EMG1: variants seen among roughly 807,000 people sequenced by gnomAD.
EMG1 encodes the protein EMG1 N1-specific pseudouridine methyltransferase, also known as ribosomal RNA small subunit methyltransferase NEP1.
In EMG1, 24 loss-of-function variants were observed where a neutral mutation model predicts 26.9. That is an observed-to-expected ratio of 0.89 (90% confidence interval 0.65 to 1.26). EMG1 has a LOEUF of 1.26. EMG1 is among the 50% of genes most tolerant of loss of function. The pLI, the probability that EMG1 is intolerant of heterozygous loss-of-function variation, is 0.00. For synonymous variants in EMG1, 140 were observed against 112.6 expected (o/e 1.24, Z -1.54); for missense variants, 299 against 307.6 (o/e 0.97, Z 0.21).
Position 6,977,840 on chromosome 12 carries a change from GTGC to G in EMG1, c.*2034_*2036del. The G allele has an allele frequency of 6.9e-7, 1 of 1,457,732 alleles. No homozygotes were observed. Among genetic ancestry groups the G allele is most frequent in the African/African-American group, 1.4e-5 (1 of 71,872 alleles). The allele number at this position is 1,457,732 out of a possible 1,614,324, so 90.3% of individuals were successfully genotyped here. ...TCCTCACCCTGAGGATTGGATTGGAGTGCTGGTGGGTTCCCACGTGTAGCCCCC... is the reference window on the plus strand; with the variant it reads ...TCCTCACCCTGAGGATTGGATTGGAGTGGTGGGTTCCCACGTGTAGCCCCC... On this transcript the variant is annotated 3_prime_UTR_variant, in exon 6 of 6. Coordinates refer to ENST00000599672, the MANE Select transcript of EMG1 (RefSeq NM_006331.8). This position sits in a 1 kb window ranked among gnomAD's most constrained non-coding sequence, Gnocchi z 4.5.
At position 6,971,036 on chromosome 12, in the gene EMG1, T is replaced by G. The variant is rs781824161; in HGVS notation, c.113T>G (p.Ile38Ser). Residue 38 changes from isoleucine (I) to serine (S), a missense_variant, in exon 1 of 6, where the codon ATC (isoleucine) becomes AGC (serine). Transcript: ENST00000599672. The part of the protein sequence containing the change: ...KRPRLGAGNK[I>S]GGRRLIVVLE... ...CCCCGACTAGGGGCAGGAAACAAGA[T>G]CGGAGGCCGTAGGCTTATTGTGGTG... 3.1e-6 allele frequency: 5 copies of G among 1,611,614 alleles called. No homozygotes were observed. Among genetic ancestry groups the G allele is most frequent in the Admixed American group, 3.4e-5 (2 of 59,662 alleles).
At chr12:6,986,706 C>CT (rs1946529294) in intron 6 of EMG1, among the ~76,000 whole-genome samples, 1 of 147,570 alleles carries the variant, frequency 6.8e-6, no homozygotes, top group East Asian at 2.0e-4. Flanking sequence ...TCGCTTGAAC[C>CT]TGGGAGGCAG....
In EMG1 at chr12:6,978,391, G is replaced by A. The variant is rs11830191; in HGVS notation, c.*2582G>A. On this transcript the variant is annotated 3_prime_UTR_variant, in exon 6 of 6. Transcript: ENST00000599672. ...TGTTGAATGAGGCAATGGTGCCAGT[G>A]AAGCGGGGGTTTGTTTCAAAGAGCC... The A allele has an allele frequency of 1.2e-6, 2 of 1,613,864 alleles. No homozygotes were observed. The highest frequency in any genetic ancestry group is 1.7e-6 in the Non-Finnish European group (2 of 1,179,948).
At chr12:6,980,993 G>C (rs1946465354), downstream of EMG1, 1 of 1,573,976 alleles carries the variant, frequency 6.4e-7, no homozygotes, top group Non-Finnish European at 8.6e-7. Context: ...TGGACCAAGA[G>C]GGGCAATTAC....
Position 6,978,222 on chromosome 12 carries a change from A to G in EMG1, c.*2413A>G. On this transcript the variant is annotated 3_prime_UTR_variant, in exon 6 of 6. Coordinates refer to ENST00000599672, the MANE Select transcript of EMG1 (RefSeq NM_006331.8). ...GGGGGTCAAAGTCAGTGTGAGCGAC[A>G]GGGGGTTCTGCCCAGATGGGAAAGA... 1.7e-6 allele frequency: 2 copies of G among 1,202,854 alleles called. No homozygotes were observed. Among genetic ancestry groups the G allele is most frequent in the Non-Finnish European group, 2.3e-6 (2 of 855,440 alleles). 74.5% of individuals were successfully genotyped at this position (1,202,854 alleles called of 1,614,324 possible).
In EMG1 at chr12:6,977,305, C is replaced by A. The variant is rs781931181; in HGVS notation, c.*1496C>A. ...ACTAAGGTAGACAGGCCTGGAGTGT[C>A]CTTTGCAACCTTTGAGGTTGCAGTG... On this transcript the variant is annotated 3_prime_UTR_variant, in exon 6 of 6. Transcript: ENST00000599672. This position sits in a 1 kb window ranked among gnomAD's most constrained non-coding sequence, Gnocchi z 4.5. 4 of 1,611,664 alleles carry A rather than the reference C, an allele frequency of 2.5e-6. No homozygotes were observed. Among genetic ancestry groups the A allele is most frequent in the Non-Finnish European group, 3.4e-6 (4 of 1,177,872 alleles).
chr12:6,989,943 CG>C (rs782350458), downstream of EMG1, among the ~76,000 whole-genome samples: 5 of 151,782 alleles, frequency 3.3e-5, no homozygotes, highest in East Asian at 9.7e-4. Flanking sequence ...GAGGCTGAGA[CG>C]GGAGAATCAC....
chr12:6,975,984 T>G lies in EMG1; in HGVS notation c.*175T>G. ...TGAATACTGTTCTTGCAAACCTGGTTGTTTTGGGGTTCCTAAAGTATCCAG... is the reference window on the plus strand; with the variant it reads ...TGAATACTGTTCTTGCAAACCTGGTGGTTTTGGGGTTCCTAAAGTATCCAG... On this transcript the variant is annotated 3_prime_UTR_variant, in exon 6 of 6. Transcript: ENST00000599672. The G allele has an allele frequency of 1.8e-6, 1 of 571,364 alleles. No individual in the cohort carries two copies. Among genetic ancestry groups the G allele is most frequent in the Admixed American group, 3.1e-5 (1 of 32,602 alleles). The allele number at this position is 571,364 out of a possible 1,614,324, so 35.4% of individuals were successfully genotyped here.
chr12:6,990,821 G>T (rs138681284), downstream of EMG1, among the ~76,000 whole-genome samples: 400 of 150,076 alleles, frequency 2.7e-3, 1 homozygote, highest in African/African-American at 9.5e-3. Flanking sequence ...GGAGGCTGAG[G>T]CAGGAGAATC....
downstream of EMG1, among the ~76,000 whole-genome samples, chr12:6,989,379 G>A (rs1555155200): frequency 1.4e-5 from 2 of 147,600 alleles, no homozygotes; most frequent in Non-Finnish European, 3.0e-5. Context: ...GTGCAATCTC[G>A]GCTCACTGCA....
rs1029391847 is a variant in EMG1 at position 6,987,281 on chromosome 12, C to T, written c.*155-501C>T. Among the ~76,000 whole-genome samples the T allele has an allele frequency of 1.9e-4, 29 of 152,078 alleles. No homozygotes were observed. The highest frequency in any genetic ancestry group is 7.0e-4 in the African/African-American group (29 of 41,382). ...TGTTTAGTAAATGCCTGCTATATGC[C>T]AGGTATTCTGTTTATGAAGCACGTA... On this transcript the variant is annotated intron_variant and NMD_transcript_variant, in intron 6 of 7. Transcript: ENST00000261406. The surrounding 1 kb of genome is among the most constrained non-coding windows in gnomAD (Gnocchi z 4.1).
At chr12:6,982,626 C>T, downstream of EMG1, 1 of 1,419,134 alleles carries the variant, frequency 7.0e-7, no homozygotes, top group Non-Finnish European at 9.9e-7. Context: ...ACCCCTGTCC[C>T]CTGAACCGCT....
Position 6,977,783 on chromosome 12 carries a change from C to T in EMG1, c.*1974C>T. The T allele has an allele frequency of 6.2e-7, 1 of 1,611,954 alleles. No homozygotes were observed. The highest frequency in any genetic ancestry group is 8.5e-7 in the Non-Finnish European group (1 of 1,179,022). ...GTGGGTGGGGCGACCCTCAAACTGA[C>T]TGGTCCTTGCATCCCGCCACCTGCC... is the stretch of plus-strand genomic sequence containing the variant. On this transcript the variant is annotated 3_prime_UTR_variant, in exon 6 of 6. Transcript: ENST00000599672. This position sits in a 1 kb window ranked among gnomAD's most constrained non-coding sequence, Gnocchi z 4.5.
intron 7 of EMG1, chr12:6,997,194 ATTTC>A (rs1251338485): frequency 6.6e-6 from 1 of 152,012 alleles, no homozygotes; most frequent in Non-Finnish European, 1.5e-5. Flanking sequence ...TTATGTTTTT[ATTTC>A]TTTATTTTTT....
In EMG1 at chr12:6,987,268, G is replaced by A. The variant is rs782678950; in HGVS notation, c.*155-514G>A. Reference sequence around the variant, plus strand: ...TTCATTCACCAAGTGTTTAGTAAATGCCTGCTATATGCCAGGTATTCTGTT... The same window carrying A: ...TTCATTCACCAAGTGTTTAGTAAATACCTGCTATATGCCAGGTATTCTGTT... On this transcript the variant is annotated intron_variant and NMD_transcript_variant, in intron 6 of 7. Transcript: ENST00000261406. This position sits in a 1 kb window ranked among gnomAD's most constrained non-coding sequence, Gnocchi z 4.1. Among the ~76,000 whole-genome samples, 3 of 152,310 alleles carry A rather than the reference G, an allele frequency of 2.0e-5. No individual in the cohort carries two copies. The South Asian group carries it at 6.2e-4, about 32-fold the overall frequency.
At position 6,977,583 on chromosome 12, in the gene EMG1, A is replaced by G. The variant is rs1555153463; in HGVS notation, c.*1774A>G. 1 of 1,613,874 alleles carries G rather than the reference A, an allele frequency of 6.2e-7. No individual in the cohort carries two copies. The highest frequency in any genetic ancestry group is 1.1e-5 in the South Asian group (1 of 91,064). Reference sequence around the variant, plus strand: ...GTCCCTTATATTCCCCTTCACCCCCACCCTGGAGGCCTACCTGTCTTTCCA... The same window carrying G: ...GTCCCTTATATTCCCCTTCACCCCCGCCCTGGAGGCCTACCTGTCTTTCCA... On this transcript the variant is annotated 3_prime_UTR_variant, in exon 6 of 6. Coordinates refer to ENST00000599672, the MANE Select transcript of EMG1 (RefSeq NM_006331.8). This position sits in a 1 kb window ranked among gnomAD's most constrained non-coding sequence, Gnocchi z 4.5.
chr12:6,974,502 G>A, intron 2 of EMG1, 50 bp from the exon 3 acceptor site: 2 of 1,607,790 alleles, frequency 1.2e-6, no homozygotes, highest in Non-Finnish European at 1.7e-6. Context: ...TGGCAGCTGA[G>A]TGCTGCCTCT....
At chr12:6,975,633 T>TA (rs1276322260) in intron 5 of EMG1, 63 bp from the exon 6 acceptor site, 1 of 1,197,042 alleles carries the variant, frequency 8.4e-7, no homozygotes, top group African/African-American at 1.5e-5. Flanking sequence ...TTTCCTGCCC[T>TA]AAAGAAGGGC....
In EMG1 at chr12:6,975,116, CGA is replaced by C; in HGVS notation, c.441_442del (p.Ala148SerfsTer2). ...MVQLLHKLSVRAADGPQKLLK... is the reference protein window; with the variant it reads ...MVQLLHKLSVXAADGPQKLLK... Reference sequence around the variant, plus strand: ...TCAACTTTTACACAAGCTCAGTGTTCGAGCAGCTGATGGCCCCCAGAAGCTTT... The same window carrying C: ...TCAACTTTTACACAAGCTCAGTGTTCGCAGCTGATGGCCCCCAGAAGCTTT... On this transcript the variant is annotated frameshift_variant, in exon 4 of 6. Coordinates refer to ENST00000599672, the MANE Select transcript of EMG1 (RefSeq NM_006331.8). LOFTEE classifies it high-confidence loss of function. 1 of 1,613,962 alleles carries C rather than the reference CGA, an allele frequency of 6.2e-7. No homozygotes were observed. Among genetic ancestry groups the C allele is most frequent in the Non-Finnish European group, 8.5e-7 (1 of 1,179,884 alleles).
Sources: gnomAD v4.1 joint callset for allele counts (sites outside exome capture counted in the v4.1 genomes callset) on GRCh38, gnomAD v4.1.1 for gene constraint, Gnocchi (gnomAD v3.1) non-coding constraint, MANE v1.5 for transcripts, NCBI Gene and HGNC (gene_info 2026-07-23, HGNC 2026-07-21) for gene names.